The following DHX36 variants were observed in gnomAD, a reference collection of about 807,000 sequenced individuals.
DHX36 encodes the protein ATP-dependent DNA/RNA helicase DHX36.
In DHX36, 50 loss-of-function variants were observed where a neutral mutation model predicts 139.0. The ratio of observed to expected loss-of-function variants is 0.36; its 90% CI spans 0.29 to 0.46. The LOEUF (loss-of-function observed/expected upper bound fraction) is 0.46. Ranked by LOEUF, DHX36 falls within the 20% of genes least tolerant of loss-of-function variation. The probability of loss-of-function intolerance (pLI) is 1.00; values close to 1 mark genes in which losing one functional copy is unlikely to be tolerated. For synonymous variants in DHX36, 425 were observed against 401.9 expected (o/e 1.06, Z -0.69); for missense variants, 1,024 against 1,211.3 (o/e 0.85, Z 2.29).
chr3:154,290,749 A>T (rs1377982993), intron 15 of DHX36, among the ~76,000 whole-genome samples: 4 of 152,188 alleles, frequency 2.6e-5, no homozygotes, highest in East Asian at 3.9e-4. Context: ...GAATTCTAAA[A>T]ATCTTAGTTA....
Position 154,292,548 on chromosome 3 carries a change from T to G in DHX36, c.1814+3A>C. On this transcript the variant is annotated splice_donor_region_variant and intron_variant, in intron 15 of 24. Coordinates refer to ENST00000496811, the MANE Select transcript of DHX36 (RefSeq NM_020865.3). ...AAAGCTTTGGACAGAGTTCCCACCT[T>G]ACCTTCCAGCTCGACCTTTTCTCTG... 1 of 1,614,108 alleles carries G rather than the reference T, an allele frequency of 6.2e-7. No individual in the cohort carries two copies. The highest frequency in any genetic ancestry group is 1.1e-5 in the South Asian group (1 of 91,084).
chr3:154,277,093 T>G (rs1179102816), intron 23 of DHX36, among the ~76,000 whole-genome samples, 194 bp from the exon 24 acceptor site: 2 of 152,210 alleles, frequency 1.3e-5, no homozygotes, highest in Non-Finnish European at 2.9e-5. Context: ...CATAGGTATT[T>G]TAATATTTTT....
chr3:154,318,064 G>A (rs929906290), intron 1 of DHX36, among the ~76,000 whole-genome samples: 1 of 152,058 alleles, frequency 6.6e-6, no homozygotes, highest in Non-Finnish European at 1.5e-5. Context: ...CAAGACATAA[G>A]CATCTTTAAG....
intron 17 of DHX36, among the ~76,000 whole-genome samples, chr3:154,287,706 A>T (rs1010092803): frequency 1.8e-4 from 27 of 152,202 alleles, no homozygotes; most frequent in Non-Finnish European, 2.9e-5. Flanking sequence ...TCAAGGTATT[A>T]AAAAAAGGAA....
chr3:154,295,019 G>A (rs1162359464), intron 13 of DHX36, among the ~76,000 whole-genome samples: 3 of 152,104 alleles, frequency 2.0e-5, no homozygotes, highest in Non-Finnish European at 2.9e-5. Flanking sequence ...GAAACTCAAC[G>A]AAGTTACTGG....
chr3:154,287,637 C>A (rs750247352), intron 17 of DHX36, among the ~76,000 whole-genome samples: 2 of 151,458 alleles, frequency 1.3e-5, no homozygotes, highest in Non-Finnish European at 2.9e-5. Context: ...ATCCAACCTG[C>A]GTGACAGAGT....
rs945630937 is a variant in DHX36 at position 154,315,208 on chromosome 3, C to G, written c.441G>C (p.Leu147Phe). The G allele has an allele frequency of 6.2e-7, 1 of 1,612,836 alleles. No individual in the cohort carries two copies. Among genetic ancestry groups the G allele is most frequent in the African/African-American group, 1.3e-5 (1 of 74,712 alleles). Reference sequence around the variant, plus strand: ...TAAACATTTTTTTTTCTTGATTTATCAACTTCTTTTCCTGGATGTCAAGTT... The same window carrying G: ...TAAACATTTTTTTTTCTTGATTTATGAACTTCTTTTCCTGGATGTCAAGTT... ...ENKLDIQEKK[L>F]INQEKKMFRI... The change falls in exon 3 of 25, where the codon TTG becomes TTC. Residue 147 changes from leucine (L) to phenylalanine (F), a missense_variant. Transcript: ENST00000496811.
In DHX36 at chr3:154,309,644, A is replaced by G. The variant is rs759171719; in HGVS notation, c.813+9T>C. On this transcript the variant is annotated intron_variant, in intron 5 of 24. Transcript: ENST00000496811. ...AAGACAATTTTTAATAAGTTAAGAG[A>G]TTACTTACTGAAATGGCACTAATTC... The G allele has an allele frequency of 6.3e-7, 1 of 1,593,704 alleles. No homozygotes were observed. The highest frequency in any genetic ancestry group is 2.3e-5 in the East Asian group (1 of 44,418).
intron 9 of DHX36, among the ~76,000 whole-genome samples, chr3:154,302,230 G>C (rs1308270292): frequency 1.3e-5 from 2 of 152,172 alleles, no homozygotes; most frequent in African/African-American, 2.4e-5. Flanking sequence ...TGTTCAAGAA[G>C]AAAGTTCCCA....
chr3:154,299,786 T>C (rs1374210176), intron 12 of DHX36, 52 bp downstream of exon 12: 3 of 1,332,676 alleles, frequency 2.3e-6, no homozygotes, highest in Non-Finnish European at 3.2e-6. Flanking sequence ...ACACATCATA[T>C]ATAATTCAAA....
chr3:154,320,058 G>A (rs1382835493), intron 1 of DHX36, among the ~76,000 whole-genome samples: 3 of 152,016 alleles, frequency 2.0e-5, no homozygotes, highest in Non-Finnish European at 2.9e-5. Flanking sequence ...GATCATCAAC[G>A]ACCTTGTTGA....
rs537653853 is a variant in DHX36, at chr3:154,272,688, A to G, written c.*3483T>C. Reference sequence around the variant, plus strand: ...TCCAAATATTGTCCAGGGAGGATGTATTATTTTAAAATCAGAACAAAAATC... The same window carrying G: ...TCCAAATATTGTCCAGGGAGGATGTGTTATTTTAAAATCAGAACAAAAATC... On this transcript the variant is annotated 3_prime_UTR_variant, in exon 25 of 25. Transcript: ENST00000496811. 1.3e-5 allele frequency: 2 copies of G among 152,054 alleles called. No homozygotes were observed. The highest frequency in any genetic ancestry group is 4.2e-4 in the South Asian group (2 of 4,816). The allele number at this position is 152,054 out of a possible 1,614,324, so 9.4% of individuals were successfully genotyped here. A position where few individuals can be genotyped will look rare whatever the true frequency, so the allele number is the denominator to read the frequency against.
chr3:154,298,849 G>C (rs1418402446), intron 12 of DHX36, among the ~76,000 whole-genome samples: 1 of 152,180 alleles, frequency 6.6e-6, no homozygotes, highest in Non-Finnish European at 1.5e-5. Flanking sequence ...GGAAGGTAGA[G>C]GTTGCAGTGA....
rs563778952 is a variant in DHX36 at position 154,273,571 on chromosome 3, G to A, written c.*2600C>T. 2.4e-4 allele frequency: 36 copies of A among 152,280 alleles called. No homozygotes were observed. The highest frequency in any genetic ancestry group is 8.2e-4 in the African/African-American group (34 of 41,544). The allele number at this position is 152,280 out of a possible 1,614,324, so 9.4% of individuals were successfully genotyped here. A position where few individuals can be genotyped will look rare whatever the true frequency, so the allele number is the denominator to read the frequency against. ...GCAAGAAAGACCAGATGGTCACCTC[G>A]ACGTTAGAGGCAAAACCAGTATGCT... On this transcript the variant is annotated 3_prime_UTR_variant, in exon 25 of 25. Transcript: ENST00000496811.
chr3:154,284,658 C>A lies in DHX36; in HGVS notation c.2217G>T (p.Lys739Asn). Residue 739 changes from lysine to asparagine, a missense_variant, in exon 19 of 25, where the codon AAG (lysine) becomes AAT (asparagine). Transcript: ENST00000496811. Reference sequence around the variant, plus strand: ...ATTCCTTTCTTCTTGCATCTGCAATCTTTTCTTTTCCCTTAAAAATAGCAG... The same window carrying A: ...ATTCCTTTCTTCTTGCATCTGCAATATTTTCTTTTCCCTTAAAAATAGCAG... Reference protein sequence around the residue: ...DPFVIPLGKEKIADARRKELA... With the variant: ...DPFVIPLGKENIADARRKELA... The A allele has an allele frequency of 6.2e-7, 1 of 1,611,020 alleles. No homozygotes were observed.
intron 12 of DHX36, chr3:154,299,615 G>GA: frequency 4.1e-6 from 2 of 484,316 alleles, no homozygotes; most frequent in Non-Finnish European, 7.5e-6. Context: ...AGCAGTAAGT[G>GA]AAAAAATGAA....
intron 12 of DHX36, among the ~76,000 whole-genome samples, chr3:154,297,665 G>A (rs942203424): frequency 1.5e-4 from 22 of 151,090 alleles, no homozygotes; most frequent in Admixed American, 2.6e-4. Context: ...AGCTGAGATC[G>A]TGCCACTGCA....
At chr3:154,308,264 T>C (rs1453892212) in intron 5 of DHX36, among the ~76,000 whole-genome samples, 1 of 152,200 alleles carries the variant, frequency 6.6e-6, no homozygotes, top group Admixed American at 6.5e-5. Context: ...TTCTTTATAG[T>C]ACTTCTTAGA....
In DHX36 at chr3:154,275,802, T is replaced by C. The variant is rs1471971037; in HGVS notation, c.*369A>G. On this transcript the variant is annotated 3_prime_UTR_variant, in exon 25 of 25. Transcript: ENST00000496811. The stretch of plus-strand genomic sequence containing the variant: ...ATTGACACTTGTTTTGGGGTAAACA[T>C]CCTATTTTTACTGGTGGTATCATCA... The C allele has an allele frequency of 6.4e-6, 1 of 155,226 alleles. No homozygotes were observed. Among genetic ancestry groups the C allele is most frequent in the Non-Finnish European group, 1.4e-5 (1 of 69,938 alleles). 9.6% of individuals were successfully genotyped at this position (155,226 alleles called of 1,614,324 possible). A position where few individuals can be genotyped will look rare whatever the true frequency, so the allele number is the denominator to read the frequency against.
Sources: allele counts gnomAD v4.1 joint callset (sites outside exome capture counted in the v4.1 genomes callset), GRCh38; gene constraint gnomAD v4.1.1; transcripts MANE v1.5; gene names NCBI Gene and HGNC (gene_info 2026-07-23, HGNC 2026-07-21).